The following NTRK2 variants were observed in gnomAD, a reference collection of about 807,000 sequenced individuals.
The protein encoded by NTRK2 is BDNF/NT-3 growth factors receptor.
In NTRK2, 13 loss-of-function variants were observed where a neutral mutation model predicts 94.5. The ratio of observed to expected loss-of-function variants is 0.14; its 90% CI spans 0.09 to 0.22. The LOEUF is 0.22. Ranked by LOEUF, NTRK2 falls within the 10% of genes least tolerant of loss-of-function variation. The pLI, the probability that NTRK2 is intolerant of heterozygous loss-of-function variation, is 1.00. For missense variants in NTRK2, 639 were observed against 1,071.2 expected (o/e 0.60, Z 5.63); for synonymous variants, 372 against 407.4 (o/e 0.91, Z 1.05).
At chr9:84,737,885 C>T (rs771335975) in intron 9 of NTRK2, among the ~76,000 whole-genome samples, 4 of 151,486 alleles carry the variant, frequency 2.6e-5, no homozygotes, top group African/African-American at 4.9e-5. Context: ...TGACAACATT[C>T]CTTAGGTCAA....
At chr9:84,941,384 A>C (rs920959432) in intron 15 of NTRK2, among the ~76,000 whole-genome samples, 10 of 152,180 alleles carry the variant, frequency 6.6e-5, no homozygotes, top group Admixed American at 2.6e-4. Flanking sequence ...CTGTTTTTTG[A>C]ATTGTTAATC....
intron 17 of NTRK2, among the ~76,000 whole-genome samples, chr9:85,012,001 A>ATTTTATTTT (rs1564549497): frequency 2.7e-5 from 4 of 150,568 alleles, no homozygotes; most frequent in South Asian, 2.1e-4. Flanking sequence ...ATTTTATTTT[A>ATTTTATTTT]CTTTTGAGAT....
At chr9:84,711,544 A>G (rs184972650) in intron 6 of NTRK2, among the ~76,000 whole-genome samples, 215 of 152,316 alleles carry the variant, frequency 1.4e-3, no homozygotes, top group African/African-American at 4.9e-3. Context: ...TGACATTTGA[A>G]TCGGTTAGTC....
Position 84,749,161 on chromosome 9 carries a change from G to C in NTRK2, c.1297-2825G>C, listed in dbSNP as rs185483096. On this transcript the variant is annotated intron_variant, in intron 11 of 18. Coordinates refer to ENST00000277120, the MANE Select transcript of NTRK2 (RefSeq NM_006180.6). Reference sequence around the variant, plus strand: ...GAGAATCACTTGAACCTAGGAGGCGGAGGTTGTGGTGAGCCAAGATCGCAC... The same window carrying C: ...GAGAATCACTTGAACCTAGGAGGCGCAGGTTGTGGTGAGCCAAGATCGCAC... Among the ~76,000 whole-genome samples the C allele has an allele frequency of 5.3e-5, 8 of 152,242 alleles. No individual in the cohort carries two copies. In the East Asian group the frequency reaches 1.5e-3, roughly 29 times the overall value.
intron 17 of NTRK2, among the ~76,000 whole-genome samples, chr9:84,993,835 T>C (rs1278821988): frequency 6.6e-6 from 1 of 152,156 alleles, no homozygotes; most frequent in East Asian, 1.9e-4. Flanking sequence ...CATGCTGCAC[T>C]CTCTACATCT....
chr9:84,942,258 C>T (rs1399945552), intron 15 of NTRK2, among the ~76,000 whole-genome samples: 5 of 152,134 alleles, frequency 3.3e-5, no homozygotes, highest in African/African-American at 7.2e-5. Context: ...TTTCTATCCA[C>T]GAATTCATTA....
At chr9:84,828,811 A>G (rs921862522) in intron 12 of NTRK2, among the ~76,000 whole-genome samples, 21 of 152,192 alleles carry the variant, frequency 1.4e-4, no homozygotes, top group Admixed American at 9.2e-4. Flanking sequence ...AAAGCCGATT[A>G]AAGGGGCAGG....
intron 14 of NTRK2, among the ~76,000 whole-genome samples, chr9:84,929,726 T>G (rs2077957321): frequency 6.6e-6 from 1 of 152,090 alleles, no homozygotes; most frequent in African/African-American, 2.4e-5. Flanking sequence ...CATGTCCGTT[T>G]AATTTTTGTA....
At chr9:84,712,327 G>T (rs1218205432) in intron 6 of NTRK2, among the ~76,000 whole-genome samples, 1 of 152,178 alleles carries the variant, frequency 6.6e-6, no homozygotes. Context: ...ATTGGGATAG[G>T]GGACGTGTAG....
intron 17 of NTRK2, among the ~76,000 whole-genome samples, chr9:84,975,082 G>A (rs572657963): frequency 8.5e-5 from 13 of 152,162 alleles, no homozygotes; most frequent in Non-Finnish European, 1.6e-4. Flanking sequence ...ACCCTCCCCC[G>A]GGGGAGCACA....
At chr9:84,695,435 G>T (rs1463982945) in intron 2 of NTRK2, among the ~76,000 whole-genome samples, 1 of 152,172 alleles carries the variant, frequency 6.6e-6, no homozygotes, top group Non-Finnish European at 1.5e-5. Flanking sequence ...CCAGGAACCT[G>T]TAAGTCAAAA....
chr9:84,717,859 G>T (rs907489281), intron 6 of NTRK2, among the ~76,000 whole-genome samples: 1 of 152,104 alleles, frequency 6.6e-6, no homozygotes, highest in African/African-American at 2.4e-5. Context: ...TCAAAGAACT[G>T]ATTATGTACT....
At chr9:84,806,688 G>C (rs1281741490) in intron 12 of NTRK2, among the ~76,000 whole-genome samples, 1 of 152,184 alleles carries the variant, frequency 6.6e-6, no homozygotes, top group Non-Finnish European at 1.5e-5. Context: ...AACAGCAAGG[G>C]ATAGTTGGTG....
At chr9:84,969,026 G>A (rs568440021) in intron 17 of NTRK2, among the ~76,000 whole-genome samples, 7 of 152,242 alleles carry the variant, frequency 4.6e-5, no homozygotes, top group Admixed American at 4.6e-4. Flanking sequence ...CATGTCTCCT[G>A]AATTAATAAA....
In NTRK2 at chr9:84,980,864, G is replaced by A. The variant is rs945069305; in HGVS notation, c.2172+25347G>A. Reference sequence around the variant, plus strand: ...GAGTAAATGCATAAACTGGGGAAACGAAAGTCAGGGTAGGTGCAGACTTCA... The same window carrying A: ...GAGTAAATGCATAAACTGGGGAAACAAAAGTCAGGGTAGGTGCAGACTTCA... On this transcript the variant is annotated intron_variant, in intron 17 of 18. Coordinates refer to ENST00000277120, the MANE Select transcript of NTRK2 (RefSeq NM_006180.6). Among the ~76,000 whole-genome samples, 7 of 152,210 alleles carry A rather than the reference G, an allele frequency of 4.6e-5. No homozygotes were observed. The South Asian group carries it at 6.2e-4, about 14-fold the overall frequency.
intron 12 of NTRK2, among the ~76,000 whole-genome samples, chr9:84,804,817 G>A (rs1045695487): frequency 6.6e-6 from 1 of 152,066 alleles, no homozygotes; most frequent in Non-Finnish European, 1.5e-5. Flanking sequence ...TACAGATATC[G>A]ACCCTATAGA....
At chr9:84,689,963 C>G (rs2059949142) in intron 2 of NTRK2, among the ~76,000 whole-genome samples, 1 of 152,084 alleles carries the variant, frequency 6.6e-6, no homozygotes. Context: ...TTCATGCTTT[C>G]CTTTTGCAAA....
chr9:84,933,160 A>G (rs1198242720), intron 14 of NTRK2, among the ~76,000 whole-genome samples: 1 of 152,328 alleles, frequency 6.6e-6, no homozygotes. Flanking sequence ...TTAATGCACT[A>G]CCATTCAGCA....
At chr9:84,706,509 G>C (rs1264417369) in intron 4 of NTRK2, among the ~76,000 whole-genome samples, 1 of 121,120 alleles carries the variant, frequency 8.3e-6, no homozygotes, top group Non-Finnish European at 1.7e-5. Flanking sequence ...GATCTCATGT[G>C]TGTTATTTTT....
Sources: gnomAD v4.1 joint callset for allele counts (sites outside exome capture counted in the v4.1 genomes callset) on GRCh38, gnomAD v4.1.1 for gene constraint, MANE v1.5 for transcripts, NCBI Gene and HGNC (gene_info 2026-07-23, HGNC 2026-07-21) for gene names.